FKBP1B: variants seen among roughly 807,000 people sequenced by gnomAD.
The protein encoded by FKBP1B is FKBP prolyl isomerase 1B, also known as peptidyl-prolyl cis-trans isomerase FKBP1B.
In FKBP1B, 4 loss-of-function variants were observed where a neutral mutation model predicts 13.5. The observed-to-expected ratio is 0.30, with a 90% CI of 0.15 to 0.68. FKBP1B has a LOEUF of 0.68. FKBP1B is among the 30% of genes least tolerant of loss of function. The probability of loss-of-function intolerance (pLI) is 0.76; values close to 1 mark genes in which losing one functional copy is unlikely to be tolerated. For synonymous variants in FKBP1B, 54 were observed against 53.6 expected (o/e 1.01, Z -0.03); for missense variants, 93 against 136.2 (o/e 0.68, Z 1.58).
chr2:24,055,954 G>C (rs188403493), intron 2 of FKBP1B, among the ~76,000 whole-genome samples: 68 of 152,210 alleles, frequency 4.5e-4, no homozygotes, highest in Non-Finnish European at 5.9e-5. Context: ...GTTACCCTGT[G>C]TCCTCCCCAA....
At chr2:24,039,208 T>A in the FKBP1B span, 4 of 1,614,230 alleles carry the variant, frequency 2.5e-6, no homozygotes, top group South Asian at 4.4e-5. Context: ...TTTGCTTGAC[T>A]CCATAGGGCT....
At chr2:24,035,131 A>ATT in the FKBP1B span, among the ~76,000 whole-genome samples, 1 of 151,844 alleles carries the variant, frequency 6.6e-6, no homozygotes, top group Non-Finnish European at 1.5e-5. Flanking sequence ...ATTATGGAAA[A>ATT]TTTTTACTTT....
chr2:24,050,102 T>C lies in FKBP1B; in HGVS notation c.37+216T>C, dbSNP rs1474742171. 6.6e-6 allele frequency among the ~76,000 whole-genome samples: 1 copy of C among 151,300 alleles called. No individual in the cohort carries two copies. Among genetic ancestry groups the C allele is most frequent in the Non-Finnish European group, 1.5e-5 (1 of 67,806 alleles). On this transcript the variant is annotated intron_variant, in intron 1 of 3. Coordinates refer to ENST00000380986, the MANE Select transcript of FKBP1B (RefSeq NM_004116.5). The surrounding 1 kb of genome is among the most constrained non-coding windows in gnomAD (Gnocchi z 5.8). ...CACCTAGGGGAATGTAGGCGGCAGCTCGGAGGCGGGGGTCTGCGGCCCGGA... is the reference window on the plus strand; with the variant it reads ...CACCTAGGGGAATGTAGGCGGCAGCCCGGAGGCGGGGGTCTGCGGCCCGGA...
At chr2:24,047,547 C>T (rs547005561), upstream of FKBP1B, among the ~76,000 whole-genome samples, 12 of 152,182 alleles carry the variant, frequency 7.9e-5, no homozygotes, top group South Asian at 2.5e-3. Flanking sequence ...GGGTTCGTCC[C>T]ACTGGCCAAT....
the FKBP1B span, chr2:24,037,813 A>G: frequency 6.2e-7 from 1 of 1,614,226 alleles, no homozygotes; most frequent in Non-Finnish European, 8.5e-7. Context: ...TAAAATTTCC[A>G]CTTCCTTAGA....
intron 3 of FKBP1B, among the ~76,000 whole-genome samples, chr2:24,062,702 G>A (rs1036087728): frequency 1.3e-5 from 2 of 152,106 alleles, no homozygotes; most frequent in African/African-American, 2.4e-5. Context: ...GAGTATTTAC[G>A]TGTGCTATTC....
chr2:24,040,695 T>C, the FKBP1B span, among the ~76,000 whole-genome samples: 5 of 152,202 alleles, frequency 3.3e-5, no homozygotes, highest in Non-Finnish European at 5.9e-5. Context: ...TGAATATTTT[T>C]CCCCCAGGCA....
chr2:24,034,159 G>A, the FKBP1B span, among the ~76,000 whole-genome samples: 4 of 152,080 alleles, frequency 2.6e-5, no homozygotes, highest in Non-Finnish European at 5.9e-5. Context: ...GGTGGCTCAC[G>A]CCTGTAATCC....
chr2:24,059,375 G>GGGGT (rs1553320932), intron 2 of FKBP1B, among the ~76,000 whole-genome samples: 49 of 149,504 alleles, frequency 3.3e-4, no homozygotes, highest in Admixed American at 1.1e-3. Context: ...CAGCACCTGG[G>GGGGT]GGGGGGTTCT....
Position 24,063,357 on chromosome 2 carries a change from G to A in FKBP1B, c.*165G>A, listed in dbSNP as rs1345895005. ...TGCCCAAGTTGCTCTGTATGTGTTCGTCAGTGTTCATGCGAATTCTTGCTT... is the reference window on the plus strand; with the variant it reads ...TGCCCAAGTTGCTCTGTATGTGTTCATCAGTGTTCATGCGAATTCTTGCTT... On this transcript the variant is annotated 3_prime_UTR_variant, in exon 4 of 4. Transcript: ENST00000380986. The A allele has an allele frequency of 3.9e-5, 25 of 636,384 alleles. No individual in the cohort carries two copies. In the South Asian group the frequency reaches 4.8e-4, roughly 12 times the overall value. 39.4% of individuals were successfully genotyped at this position (636,384 alleles called of 1,614,324 possible). A position where few individuals can be genotyped will look rare whatever the true frequency, so the allele number is the denominator to read the frequency against.
intron 3 of FKBP1B, among the ~76,000 whole-genome samples, chr2:24,062,622 TC>T (rs1352218919): frequency 6.6e-6 from 1 of 152,098 alleles, no homozygotes; most frequent in Non-Finnish European, 1.5e-5. Context: ...CCACAATAGG[TC>T]CCCCTTGCCA....
chr2:24,040,370 A>C, the FKBP1B span, among the ~76,000 whole-genome samples: 2 of 152,222 alleles, frequency 1.3e-5, no homozygotes, highest in African/African-American at 4.8e-5. Context: ...AAATTTTCCA[A>C]TTAAAAATTT....
the FKBP1B span, among the ~76,000 whole-genome samples, chr2:24,034,986 A>G: frequency 6.6e-6 from 1 of 151,666 alleles, no homozygotes; most frequent in Admixed American, 6.6e-5. Flanking sequence ...CTATTTAAAG[A>G]AAATTTTAAA....
rs1663789842 is a variant in FKBP1B, at chr2:24,050,060, C to G, written c.37+174C>G. 6.6e-6 allele frequency among the ~76,000 whole-genome samples: 1 copy of G among 152,014 alleles called. No individual in the cohort carries two copies. The highest frequency in any genetic ancestry group is 1.9e-4 in the East Asian group (1 of 5,150). ...TGGGGGTCTAGGAGACCATCCTCCGCCATCCTCTTCCGCGCTCACCTAGGG... is the reference window on the plus strand; with the variant it reads ...TGGGGGTCTAGGAGACCATCCTCCGGCATCCTCTTCCGCGCTCACCTAGGG... On this transcript the variant is annotated intron_variant, in intron 1 of 3. Transcript: ENST00000380986. This position sits in a 1 kb window ranked among gnomAD's most constrained non-coding sequence, Gnocchi z 5.8.
chr2:24,036,642 C>T, the FKBP1B span, among the ~76,000 whole-genome samples: 2 of 152,296 alleles, frequency 1.3e-5, no homozygotes, highest in East Asian at 3.9e-4. Flanking sequence ...AGTACTACTG[C>T]AGCATCATTT....
the FKBP1B span, among the ~76,000 whole-genome samples, chr2:24,042,491 G>A: frequency 1.5e-5 from 2 of 137,142 alleles, no homozygotes; most frequent in South Asian, 2.3e-4. Flanking sequence ...AATCGAGATC[G>A]CACCACTGCA....
At chr2:24,051,824 T>C (rs943758877) in intron 1 of FKBP1B, among the ~76,000 whole-genome samples, 4 of 152,160 alleles carry the variant, frequency 2.6e-5, no homozygotes, top group African/African-American at 9.7e-5. Flanking sequence ...CCTCTAAATA[T>C]CGGCTCTGTG....
the FKBP1B span, chr2:24,038,475 C>G: frequency 5.6e-6 from 9 of 1,614,216 alleles, no homozygotes; most frequent in South Asian, 9.9e-5. Flanking sequence ...GATCAGGAAC[C>G]AGAATGCCTG....
upstream of FKBP1B, chr2:24,045,991 C>A (rs6737650): frequency 0.99 from 151,146 of 152,262 alleles, 75,024 homozygotes; most frequent in South Asian, 1. Context: ...GTGCAGCGTC[C>A]CACACCTGCA....
Sources: gnomAD v4.1 joint callset for allele counts (sites outside exome capture counted in the v4.1 genomes callset) on GRCh38, gnomAD v4.1.1 for gene constraint, Gnocchi (gnomAD v3.1) non-coding constraint, MANE v1.5 for transcripts, NCBI Gene and HGNC (gene_info 2026-07-23, HGNC 2026-07-21) for gene names.